PTTG1IP2: variants seen among roughly 807,000 people sequenced by gnomAD.
PTTG1IP2 encodes the protein PTTG1IP family member 2.
intron 6 of PTTG1IP2, among the ~76,000 whole-genome samples, chr7:90,497,723 A>AAAAAAAAAAAAAAAAC (rs1798011916): frequency 7.0e-6 from 1 of 143,322 alleles, no homozygotes; most frequent in African/African-American, 2.7e-5. Flanking sequence ...TATAAAAAAA[A>AAAAAAAAAAAAAAAAC]AAAAAAAAAA....
chr7:90,493,788 G>A (rs1177647502), intron 5 of PTTG1IP2, among the ~76,000 whole-genome samples: 2 of 152,112 alleles, frequency 1.3e-5, no homozygotes, highest in African/African-American at 4.8e-5. Flanking sequence ...AAGAGAAAGG[G>A]GTCTGAAGAC....
intron 6 of PTTG1IP2, among the ~76,000 whole-genome samples, chr7:90,508,481 G>A (rs1798150376): frequency 6.6e-6 from 1 of 151,974 alleles, no homozygotes; most frequent in Non-Finnish European, 1.5e-5. Flanking sequence ...TTTCAGGGGA[G>A]GACATTTTCG....
chr7:90,512,852 A>G (rs1295041763), intron 6 of PTTG1IP2, among the ~76,000 whole-genome samples: 1 of 152,216 alleles, frequency 6.6e-6, no homozygotes, highest in Non-Finnish European at 1.5e-5. Flanking sequence ...CTTCTTTCTT[A>G]GCAGATGAAA....
intron 6 of PTTG1IP2, among the ~76,000 whole-genome samples, chr7:90,511,683 G>T (rs1025536835): frequency 6.6e-6 from 1 of 152,038 alleles, no homozygotes; most frequent in Non-Finnish European, 1.5e-5. Context: ...TTGCCAGCTC[G>T]CTTTACTTTT....
chr7:90,512,185 C>A (rs1437688900), intron 6 of PTTG1IP2, among the ~76,000 whole-genome samples: 1 of 152,106 alleles, frequency 6.6e-6, no homozygotes, highest in Non-Finnish European at 1.5e-5. Context: ...TTGCCTTGTG[C>A]CAGGCATTGG....
At chr7:90,476,562 A>G (rs1797749467) in intron 1 of PTTG1IP2, among the ~76,000 whole-genome samples, 1 of 152,192 alleles carries the variant, frequency 6.6e-6, no homozygotes, top group South Asian at 2.1e-4. Context: ...TAGAGGAAAT[A>G]AAGGAATAAA....
intron 6 of PTTG1IP2, among the ~76,000 whole-genome samples, chr7:90,512,829 G>T (rs1013666197): frequency 6.6e-6 from 1 of 152,196 alleles, no homozygotes; most frequent in African/African-American, 2.4e-5. Context: ...TACAGTAACA[G>T]ACTTTGACAG....
intron 1 of PTTG1IP2, among the ~76,000 whole-genome samples, chr7:90,470,725 T>C (rs1440185212): frequency 6.6e-6 from 1 of 152,184 alleles, no homozygotes; most frequent in Non-Finnish European, 1.5e-5. Context: ...AGAGCTAGCT[T>C]GTTTTCTTTG....
At chr7:90,505,408 T>G (rs1040995080) in intron 6 of PTTG1IP2, among the ~76,000 whole-genome samples, 1 of 152,238 alleles carries the variant, frequency 6.6e-6, no homozygotes, top group African/African-American at 2.4e-5. Context: ...ACAATTTGGA[T>G]GCCCAAATAA....
chr7:90,497,481 G>T (rs575473495), intron 6 of PTTG1IP2, among the ~76,000 whole-genome samples: 15 of 150,122 alleles, frequency 1.0e-4, no homozygotes, highest in African/African-American at 3.4e-4. Context: ...GGAGAATGGC[G>T]TGAACCCGGG....
intron 1 of PTTG1IP2, among the ~76,000 whole-genome samples, chr7:90,476,607 T>A (rs17867674): frequency 0.019 from 2,909 of 152,186 alleles, 33 homozygotes; most frequent in Non-Finnish European, 0.027. Flanking sequence ...ACCTTACAAA[T>A]GCTACTGAAA....
intron 6 of PTTG1IP2, among the ~76,000 whole-genome samples, chr7:90,509,545 A>G (rs369129777): frequency 1.7e-3 from 265 of 152,258 alleles, no homozygotes; most frequent in African/African-American, 5.9e-3. Context: ...ATTAGTAGTG[A>G]TAGCAAGACA....
At chr7:90,476,175 G>A (rs1406635889) in intron 1 of PTTG1IP2, among the ~76,000 whole-genome samples, 1 of 152,036 alleles carries the variant, frequency 6.6e-6, no homozygotes, top group Non-Finnish European at 1.5e-5. Context: ...TGGGATTCAA[G>A]AAAGAGTAGT....
intron 1 of PTTG1IP2, among the ~76,000 whole-genome samples, chr7:90,478,426 A>G (rs985159672): frequency 6.6e-6 from 1 of 152,194 alleles, no homozygotes; most frequent in Non-Finnish European, 1.5e-5. Flanking sequence ...ACTTTCGGCT[A>G]GGAGGAAGTA....
At chr7:90,488,393 C>T (rs1365872214) in intron 3 of PTTG1IP2, among the ~76,000 whole-genome samples, 1 of 151,896 alleles carries the variant, frequency 6.6e-6, no homozygotes, top group Non-Finnish European at 1.5e-5. Context: ...CTACATTGTG[C>T]TTACTGAGAT....
intron 6 of PTTG1IP2, among the ~76,000 whole-genome samples, chr7:90,508,756 A>G (rs11563534): frequency 0.052 from 7,991 of 152,296 alleles, 504 homozygotes; most frequent in East Asian, 0.16. Context: ...CTAAGCCTTT[A>G]TATTGCCTTT....
intron 2 of PTTG1IP2, among the ~76,000 whole-genome samples, chr7:90,483,541 C>A (rs534986162): frequency 2.0e-5 from 3 of 152,272 alleles, no homozygotes; most frequent in African/African-American, 7.2e-5. Flanking sequence ...AAAACACAAA[C>A]AAAACCAAAT....
At chr7:90,473,305 G>A (rs577726141) in intron 1 of PTTG1IP2, among the ~76,000 whole-genome samples, 8 of 152,252 alleles carry the variant, frequency 5.3e-5, no homozygotes, top group South Asian at 2.1e-4. Flanking sequence ...TGGACCTCAC[G>A]TCTAGAAACC....
intron 3 of PTTG1IP2, among the ~76,000 whole-genome samples, chr7:90,488,635 A>G (rs1187291922): frequency 6.6e-6 from 1 of 152,052 alleles, no homozygotes; most frequent in Non-Finnish European, 1.5e-5. Context: ...TAGTTCACCA[A>G]TTTAAAAATA....
Sources: gnomAD v4.1 joint callset for allele counts (sites outside exome capture counted in the v4.1 genomes callset) on GRCh38, gnomAD v4.1.1 for gene constraint, MANE v1.5 for transcripts, NCBI Gene and HGNC (gene_info 2026-07-23, HGNC 2026-07-21) for gene names.